The following BRD3OS variants were observed in gnomAD, a reference collection of about 807,000 sequenced individuals.
BRD3OS encodes the protein BRD3 opposite strand.
At position 134,031,009 on chromosome 9, in the gene BRD3OS, C is replaced by T. The variant is rs1303880248; in HGVS notation, c.*4007C>T. 8.7e-6 allele frequency: 2 copies of T among 231,044 alleles called. No individual in the cohort carries two copies. The highest frequency in any genetic ancestry group is 4.4e-5 in the African/African-American group (2 of 45,194). 14.3% of individuals were successfully genotyped at this position (231,044 alleles called of 1,614,324 possible). ...AACGGACGTGACTGTCACCCTCAGCCCGCCAGCAAGGGCGCTGAGGAAGTC... is the reference window on the plus strand; with the variant it reads ...AACGGACGTGACTGTCACCCTCAGCTCGCCAGCAAGGGCGCTGAGGAAGTC... On this transcript the variant is annotated 3_prime_UTR_variant, in exon 3 of 3. Coordinates refer to ENST00000603928, the MANE Select transcript of BRD3OS (RefSeq NM_001355256.2).
Position 134,026,799 on chromosome 9 carries a change from C to T in BRD3OS, c.52C>T (p.Arg18Cys), listed in dbSNP as rs1046279399. ...GAAGGCCTTGTCTGAAGGCTACGCC[C>T]GCCTCCGGTACAGGGACACCTCCTT... ...AEKALSEGYA[R>C]LRYRDTSLLI... The change falls in exon 3 of 3, where the codon CGC becomes TGC. Residue 18 changes from arginine to cysteine, a missense_variant. Arg to Cys is a radical substitution (Grantham distance 180, BLOSUM62 -3). Coordinates refer to ENST00000603928, the MANE Select transcript of BRD3OS (RefSeq NM_001355256.2). This position sits in a 1 kb window ranked among gnomAD's most constrained non-coding sequence, Gnocchi z 4.4. The T allele has an allele frequency of 1.8e-5, 7 of 398,788 alleles. No homozygotes were observed. Among genetic ancestry groups the T allele is most frequent in the Non-Finnish European group, 2.7e-5 (6 of 226,086 alleles). The allele number at this position is 398,788 out of a possible 1,614,324, so 24.7% of individuals were successfully genotyped here.
rs1290067129 is a variant in BRD3OS at position 134,031,069 on chromosome 9, T to C, written c.*4067T>C. Reference sequence around the variant, plus strand: ...TCGAAACTCTGAAAAGAAACCAGTGTTGAAGTCTGGACAGAAAGCCTTAAA... The same window carrying C: ...TCGAAACTCTGAAAAGAAACCAGTGCTGAAGTCTGGACAGAAAGCCTTAAA... On this transcript the variant is annotated 3_prime_UTR_variant, in exon 3 of 3. Transcript: ENST00000603928. The C allele has an allele frequency of 4.3e-6, 1 of 230,220 alleles. No individual in the cohort carries two copies. Among genetic ancestry groups the C allele is most frequent in the Non-Finnish European group, 8.6e-6 (1 of 116,256 alleles). 14.3% of individuals were successfully genotyped at this position (230,220 alleles called of 1,614,324 possible).
At position 134,030,438 on chromosome 9, in the gene BRD3OS, C is replaced by G. The variant is rs1044880009; in HGVS notation, c.*3436C>G. On this transcript the variant is annotated 3_prime_UTR_variant, in exon 3 of 3. Coordinates refer to ENST00000603928, the MANE Select transcript of BRD3OS (RefSeq NM_001355256.2). The stretch of plus-strand genomic sequence containing the variant: ...TTCTGTTGTGTTGAGGCCAGCATTG[C>G]AATAAACAAGCTAAACTACTTACAT... 5.3e-6 allele frequency: 1 copy of G among 188,992 alleles called. No individual in the cohort carries two copies. The highest frequency in any genetic ancestry group is 8.4e-5 in the East Asian group (1 of 11,902). 11.7% of individuals were successfully genotyped at this position (188,992 alleles called of 1,614,324 possible). A position where few individuals can be genotyped will look rare whatever the true frequency, so the allele number is the denominator to read the frequency against.
At position 134,030,516 on chromosome 9, in the gene BRD3OS, AAAAAGTTTAAG is replaced by A. The variant is rs1442117579; in HGVS notation, c.*3522_*3532del. The A allele has an allele frequency of 4.8e-6, 1 of 208,290 alleles. No homozygotes were observed. The highest frequency in any genetic ancestry group is 9.8e-6 in the Non-Finnish European group (1 of 102,404). 12.9% of individuals were successfully genotyped at this position (208,290 alleles called of 1,614,324 possible). A position where few individuals can be genotyped will look rare whatever the true frequency, so the allele number is the denominator to read the frequency against. On this transcript the variant is annotated 3_prime_UTR_variant, in exon 3 of 3. Transcript: ENST00000603928. ...ACAGGAATATACTAGAAACGGCACTAAAAAGTTTAAGAAAAGTTACGGTAAACTTGCATGCA... is the reference window on the plus strand; with the variant it reads ...ACAGGAATATACTAGAAACGGCACTAAAAAGTTACGGTAAACTTGCATGCA...
chr9:134,027,185 C>T lies in BRD3OS; in HGVS notation c.*183C>T, dbSNP rs1245586242. On this transcript the variant is annotated 3_prime_UTR_variant, in exon 3 of 3. Coordinates refer to ENST00000603928, the MANE Select transcript of BRD3OS (RefSeq NM_001355256.2). ...GCCCCCGAACCCCTCAGCACAGCCGCGGTGTGACTGGTGCACAGGACACTT... is the reference window on the plus strand; with the variant it reads ...GCCCCCGAACCCCTCAGCACAGCCGTGGTGTGACTGGTGCACAGGACACTT... 5.3e-6 allele frequency: 2 copies of T among 375,246 alleles called. No individual in the cohort carries two copies. Among genetic ancestry groups the T allele is most frequent in the African/African-American group, 2.1e-5 (1 of 48,088 alleles). 23.2% of individuals were successfully genotyped at this position (375,246 alleles called of 1,614,324 possible).
At position 134,031,077 on chromosome 9, in the gene BRD3OS, T is replaced by C. The variant is rs1363090361; in HGVS notation, c.*4075T>C. The C allele has an allele frequency of 8.7e-6, 2 of 230,146 alleles. No individual in the cohort carries two copies. The highest frequency in any genetic ancestry group is 1.7e-5 in the Non-Finnish European group (2 of 116,180). The allele number at this position is 230,146 out of a possible 1,614,324, so 14.3% of individuals were successfully genotyped here. A position where few individuals can be genotyped will look rare whatever the true frequency, so the allele number is the denominator to read the frequency against. Reference sequence around the variant, plus strand: ...CTGAAAAGAAACCAGTGTTGAAGTCTGGACAGAAAGCCTTAAAAAAGTGAC... The same window carrying C: ...CTGAAAAGAAACCAGTGTTGAAGTCCGGACAGAAAGCCTTAAAAAAGTGAC... On this transcript the variant is annotated 3_prime_UTR_variant, in exon 3 of 3. Coordinates refer to ENST00000603928, the MANE Select transcript of BRD3OS (RefSeq NM_001355256.2).
In BRD3OS at chr9:134,027,509, A is replaced by G. The variant is rs1306869805; in HGVS notation, c.*507A>G. 6.6e-6 allele frequency: 1 copy of G among 152,198 alleles called. No homozygotes were observed. The highest frequency in any genetic ancestry group is 1.5e-5 in the Non-Finnish European group (1 of 68,050). The allele number at this position is 152,198 out of a possible 1,614,324, so 9.4% of individuals were successfully genotyped here. A position where few individuals can be genotyped will look rare whatever the true frequency, so the allele number is the denominator to read the frequency against. ...ACCCAGGCTGGAATACAGTGGCACA[A>G]TCACAGCTCACTGTAGGCTCTATCT... On this transcript the variant is annotated 3_prime_UTR_variant, in exon 3 of 3. Transcript: ENST00000603928.
chr9:134,027,296 C>T lies in BRD3OS; in HGVS notation c.*294C>T. On this transcript the variant is annotated 3_prime_UTR_variant, in exon 3 of 3. Transcript: ENST00000603928. ...AGGGACAGCATAGGCCCGGGCACTG[C>T]TAGATGCTTGGTTTAAACCAGGCCA... 1 of 257,656 alleles carries T rather than the reference C, an allele frequency of 3.9e-6. No homozygotes were observed. Among genetic ancestry groups the T allele is most frequent in the Non-Finnish European group, 7.3e-6 (1 of 137,578 alleles). The allele number at this position is 257,656 out of a possible 1,614,324, so 16.0% of individuals were successfully genotyped here.
rs929141826 is a variant in BRD3OS at position 134,028,233 on chromosome 9, T to C, written c.*1231T>C. On this transcript the variant is annotated 3_prime_UTR_variant, in exon 3 of 3. Transcript: ENST00000603928. ...AAGGCATAAAGCAAAGCACAAGTGC[T>C]CTCCGTGGGGAGAACCCGGCCGGCA... 1 of 152,228 alleles carries C rather than the reference T, an allele frequency of 6.6e-6. No individual in the cohort carries two copies. 9.4% of individuals were successfully genotyped at this position (152,228 alleles called of 1,614,324 possible). A position where few individuals can be genotyped will look rare whatever the true frequency, so the allele number is the denominator to read the frequency against.
At position 134,026,952 on chromosome 9, in the gene BRD3OS, C is replaced by G. The variant is rs1843436793; in HGVS notation, c.205C>G (p.Leu69Val). 2.5e-6 allele frequency: 1 copy of G among 398,942 alleles called. No homozygotes were observed. Among genetic ancestry groups the G allele is most frequent in the Non-Finnish European group, 4.4e-6 (1 of 226,076 alleles). 24.7% of individuals were successfully genotyped at this position (398,942 alleles called of 1,614,324 possible). ...CATCTTGGTCCGAGACAAAAACAAG[C>G]TCGAGGTCTCTAGGGACACAGGGCA... ...EAILVRDKNK[L>V]EVSRDTGQSK... is the part of the protein sequence containing the mutation. Residue 69 changes from leucine to valine, a missense_variant, in exon 3 of 3, where the codon CTC (leucine) becomes GTC (valine). Transcript: ENST00000603928. This position sits in a 1 kb window ranked among gnomAD's most constrained non-coding sequence, Gnocchi z 4.4.
Position 134,027,316 on chromosome 9 carries a change from A to G in BRD3OS, c.*314A>G. ...CACTGCTAGATGCTTGGTTTAAACCAGGCCAAGAGTAACCCTCCCATCCCC... is the reference window on the plus strand; with the variant it reads ...CACTGCTAGATGCTTGGTTTAAACCGGGCCAAGAGTAACCCTCCCATCCCC... On this transcript the variant is annotated 3_prime_UTR_variant, in exon 3 of 3. Coordinates refer to ENST00000603928, the MANE Select transcript of BRD3OS (RefSeq NM_001355256.2). 1 of 237,186 alleles carries G rather than the reference A, an allele frequency of 4.2e-6. No individual in the cohort carries two copies. Among genetic ancestry groups the G allele is most frequent in the Non-Finnish European group, 8.0e-6 (1 of 124,288 alleles). The allele number at this position is 237,186 out of a possible 1,614,324, so 14.7% of individuals were successfully genotyped here. A position where few individuals can be genotyped will look rare whatever the true frequency, so the allele number is the denominator to read the frequency against.
Position 134,026,426 on chromosome 9 carries a change from A to T in BRD3OS, c.-322A>T, listed in dbSNP as rs561551028. On this transcript the variant is annotated 5_prime_UTR_variant, in exon 3 of 3. Coordinates refer to ENST00000603928, the MANE Select transcript of BRD3OS (RefSeq NM_001355256.2). This position sits in a 1 kb window ranked among gnomAD's most constrained non-coding sequence, Gnocchi z 4.4. ...TGGTCCAGGCCATGGTGGCAGAATC[A>T]CCCCCCAGGGTGTGACGCCTCGTCC... The T allele has an allele frequency of 1.5e-5, 3 of 195,346 alleles. No individual in the cohort carries two copies. Among genetic ancestry groups the T allele is most frequent in the Non-Finnish European group, 3.1e-5 (3 of 97,290 alleles). 12.1% of individuals were successfully genotyped at this position (195,346 alleles called of 1,614,324 possible). A position where few individuals can be genotyped will look rare whatever the true frequency, so the allele number is the denominator to read the frequency against.
rs565484622 is a variant in BRD3OS, at chr9:134,030,727, A to C, written c.*3725A>C. ...CTGCAAAAGAACAACAACAAAAACA[A>C]ACACACAAAAAAATGTGTCTTACAG... is the stretch of plus-strand genomic sequence containing the variant. On this transcript the variant is annotated 3_prime_UTR_variant, in exon 3 of 3. Coordinates refer to ENST00000603928, the MANE Select transcript of BRD3OS (RefSeq NM_001355256.2). The C allele has an allele frequency of 5.2e-5, 12 of 231,896 alleles. No homozygotes were observed. The highest frequency in any genetic ancestry group is 3.6e-4 in the South Asian group (2 of 5,502). 14.4% of individuals were successfully genotyped at this position (231,896 alleles called of 1,614,324 possible).
At position 134,025,912 on chromosome 9, in the gene BRD3OS, T is replaced by G. The variant is rs1465545440; in HGVS notation, c.-719T>G. On this transcript the variant is annotated 5_prime_UTR_variant, in exon 2 of 3. Transcript: ENST00000603928. ...TGGGGGCCCCTTCCGGTCCCGGGGC[T>G]GACGCCTGGCGGCGTCTCCGGGAAC... The G allele has an allele frequency of 6.6e-6, 1 of 152,262 alleles. No individual in the cohort carries two copies. Among genetic ancestry groups the G allele is most frequent in the Non-Finnish European group, 1.5e-5 (1 of 68,068 alleles). 9.4% of individuals were successfully genotyped at this position (152,262 alleles called of 1,614,324 possible).
chr9:134,030,868 G>A lies in BRD3OS; in HGVS notation c.*3866G>A, dbSNP rs544686321. 3.9e-5 allele frequency: 9 copies of A among 231,824 alleles called. No homozygotes were observed. In the South Asian group the frequency reaches 7.3e-4, roughly 19 times the overall value. The allele number at this position is 231,824 out of a possible 1,614,324, so 14.4% of individuals were successfully genotyped here. A position where few individuals can be genotyped will look rare whatever the true frequency, so the allele number is the denominator to read the frequency against. Reference sequence around the variant, plus strand: ...TCAGAGTGTTCTCAAATCCAATTCCGACACACGACTTGTCACTACTCCTCT... The same window carrying A: ...TCAGAGTGTTCTCAAATCCAATTCCAACACACGACTTGTCACTACTCCTCT... On this transcript the variant is annotated 3_prime_UTR_variant, in exon 3 of 3. Transcript: ENST00000603928.
At position 134,027,022 on chromosome 9, in the gene BRD3OS, A is replaced by G. The variant is rs1165033612; in HGVS notation, c.*20A>G. ...ATGTAATTCCGATGTGAGCACCTGAACCCAGGACCACACTTTGAGGAAAAC... is the reference window on the plus strand; with the variant it reads ...ATGTAATTCCGATGTGAGCACCTGAGCCCAGGACCACACTTTGAGGAAAAC... On this transcript the variant is annotated 3_prime_UTR_variant, in exon 3 of 3. Coordinates refer to ENST00000603928, the MANE Select transcript of BRD3OS (RefSeq NM_001355256.2). 2.5e-6 allele frequency: 1 copy of G among 398,812 alleles called. No homozygotes were observed. The highest frequency in any genetic ancestry group is 4.4e-6 in the Non-Finnish European group (1 of 226,040). The allele number at this position is 398,812 out of a possible 1,614,324, so 24.7% of individuals were successfully genotyped here.
Position 134,031,245 on chromosome 9 carries a change from C to T in BRD3OS, c.*4243C>T, listed in dbSNP as rs1177822307. 1.9e-5 allele frequency: 4 copies of T among 213,344 alleles called. No individual in the cohort carries two copies. The highest frequency in any genetic ancestry group is 1.5e-3 in the Middle Eastern group (1 of 674). 13.2% of individuals were successfully genotyped at this position (213,344 alleles called of 1,614,324 possible). A position where few individuals can be genotyped will look rare whatever the true frequency, so the allele number is the denominator to read the frequency against. On this transcript the variant is annotated 3_prime_UTR_variant, in exon 3 of 3. Transcript: ENST00000603928. ...GAAAGGCCCCACGATGCTCCTGCTG[C>T]GCTGCCCCCACAGCCGGCCGCTCCC...
In BRD3OS at chr9:134,030,503, T is replaced by C. The variant is rs1843496280; in HGVS notation, c.*3501T>C. 1 of 204,422 alleles carries C rather than the reference T, an allele frequency of 4.9e-6. No individual in the cohort carries two copies. Among genetic ancestry groups the C allele is most frequent in the South Asian group, 1.9e-4 (1 of 5,272 alleles). The allele number at this position is 204,422 out of a possible 1,614,324, so 12.7% of individuals were successfully genotyped here. A position where few individuals can be genotyped will look rare whatever the true frequency, so the allele number is the denominator to read the frequency against. ...GTAACTGACATTTACAGGAATATAC[T>C]AGAAACGGCACTAAAAAGTTTAAGA... On this transcript the variant is annotated 3_prime_UTR_variant, in exon 3 of 3. Transcript: ENST00000603928.
rs1363781557 is a variant in BRD3OS at position 134,028,543 on chromosome 9, C to CA, written c.*1542dup. ...AGCTGGAATTACAGGTGCCTGCCACCACGCCTGGCTAATTTTTCTATTTTT... is the reference window on the plus strand; with the variant it reads ...AGCTGGAATTACAGGTGCCTGCCACCAACGCCTGGCTAATTTTTCTATTTTT... On this transcript the variant is annotated 3_prime_UTR_variant, in exon 3 of 3. Transcript: ENST00000603928. The CA allele has an allele frequency of 1.3e-5, 2 of 152,254 alleles. No homozygotes were observed. The highest frequency in any genetic ancestry group is 2.9e-5 in the Non-Finnish European group (2 of 68,074). 9.4% of individuals were successfully genotyped at this position (152,254 alleles called of 1,614,324 possible). A position where few individuals can be genotyped will look rare whatever the true frequency, so the allele number is the denominator to read the frequency against.
Sources: allele counts gnomAD v4.1 joint callset, GRCh38; gene constraint gnomAD v4.1.1; non-coding constraint Gnocchi (gnomAD v3.1); transcripts MANE v1.5; gene names NCBI Gene and HGNC (gene_info 2026-07-23, HGNC 2026-07-21).